The following DYNC1I2 variants were observed in gnomAD, a reference collection of about 807,000 sequenced individuals.
The protein encoded by DYNC1I2 is dynein cytoplasmic 1 intermediate chain 2.
DYNC1I2 carries 53 observed loss-of-function variants against 88.6 expected under a neutral mutation model. The observed-to-expected ratio is 0.60, with a 90% CI of 0.48 to 0.75. The LOEUF (loss-of-function observed/expected upper bound fraction) is 0.75, where lower values mean the gene tolerates loss of function less well. DYNC1I2 is among the 30% of genes least tolerant of loss of function. DYNC1I2 has a pLI of 0.00. For synonymous variants in DYNC1I2, 198 were observed against 254.6 expected (o/e 0.78, Z 2.12); for missense variants, 458 against 766.6 (o/e 0.60, Z 4.75).
intron 15 of DYNC1I2, among the ~76,000 whole-genome samples, chr2:171,739,682 C>G (rs890887351): frequency 7.1e-6 from 1 of 141,122 alleles, no homozygotes; most frequent in South Asian, 2.3e-4. Flanking sequence ...CATCCATTTG[C>G]GATTGACATA....
chr2:171,730,629 T>C (rs1181294207), intron 15 of DYNC1I2, among the ~76,000 whole-genome samples: 1 of 152,244 alleles, frequency 6.6e-6, no homozygotes, highest in African/African-American at 2.4e-5. Context: ...TGTCTAGTTT[T>C]TCTGCGGTAT....
At chr2:171,742,639 T>G (rs552785342) in intron 15 of DYNC1I2, among the ~76,000 whole-genome samples, 1 of 152,318 alleles carries the variant, frequency 6.6e-6, no homozygotes. Flanking sequence ...TTGTGTATTT[T>G]TAGGAGGGAG....
intron 1 of DYNC1I2, among the ~76,000 whole-genome samples, chr2:171,689,522 T>C (rs886070072): frequency 2.0e-5 from 3 of 152,214 alleles, no homozygotes; most frequent in African/African-American, 7.2e-5. Flanking sequence ...AAGAGCCAGT[T>C]TTGACCTTTA....
chr2:171,732,987 C>T (rs1688728349), intron 15 of DYNC1I2, among the ~76,000 whole-genome samples: 1 of 152,150 alleles, frequency 6.6e-6, no homozygotes, highest in Admixed American at 6.5e-5. Context: ...GCCTCTCCCT[C>T]CTCCCACGCT....
intron 15 of DYNC1I2, among the ~76,000 whole-genome samples, chr2:171,738,780 A>C (rs987858117): frequency 1.3e-5 from 2 of 152,354 alleles, no homozygotes; most frequent in East Asian, 3.9e-4. Context: ...ATACCGATGA[A>C]GTGCATCTGG....
chr2:171,705,982 T>C (rs1559372602), intron 3 of DYNC1I2, among the ~76,000 whole-genome samples: 1 of 152,014 alleles, frequency 6.6e-6, no homozygotes. Context: ...ATAAGGATGA[T>C]CAGTTTTATA....
intron 15 of DYNC1I2, among the ~76,000 whole-genome samples, chr2:171,735,153 T>G (rs1258534795): frequency 6.6e-6 from 1 of 152,200 alleles, no homozygotes; most frequent in Non-Finnish European, 1.5e-5. Flanking sequence ...TTTCTTCCTT[T>G]TCTCTCTTTC....
chr2:171,747,639 T>A (rs1046172112), intron 17 of DYNC1I2, 137 bp from the exon 18 acceptor site: 1 of 589,016 alleles, frequency 1.7e-6, no homozygotes, highest in Non-Finnish European at 3.0e-6. Flanking sequence ...ATTGTTATAG[T>A]CCCCGTAATT....
chr2:171,710,140 C>T (rs1031987942), intron 5 of DYNC1I2, among the ~76,000 whole-genome samples: 10 of 146,452 alleles, frequency 6.8e-5, no homozygotes, highest in Non-Finnish European at 1.2e-4. Context: ...CACACACACA[C>T]ACACACACAC....
chr2:171,709,175 CTCA>C (rs1213686269), intron 5 of DYNC1I2, among the ~76,000 whole-genome samples: 2 of 152,052 alleles, frequency 1.3e-5, no homozygotes, highest in Non-Finnish European at 2.9e-5. Flanking sequence ...TACATTATGA[CTCA>C]TCGTTCCTGA....
chr2:171,723,509 G>T (rs1487404905), intron 7 of DYNC1I2, among the ~76,000 whole-genome samples: 1 of 152,168 alleles, frequency 6.6e-6, no homozygotes, highest in East Asian at 1.9e-4. Flanking sequence ...ACACCTGCAG[G>T]TGACTTTATG....
At chr2:171,710,896 T>G (rs1474334556) in intron 5 of DYNC1I2, among the ~76,000 whole-genome samples, 1 of 151,438 alleles carries the variant, frequency 6.6e-6, no homozygotes, top group African/African-American at 2.4e-5. Flanking sequence ...GCTTTTAAGT[T>G]CTAGGGTACA....
chr2:171,745,692 ATC>A, intron 16 of DYNC1I2, 108 bp from the exon 17 acceptor site: 1 of 1,207,004 alleles, frequency 8.3e-7, no homozygotes, highest in Non-Finnish European at 1.2e-6. Context: ...ACCTGTTTTC[ATC>A]TTTGTTTTTA....
At chr2:171,715,779 G>A (rs762565966) in intron 7 of DYNC1I2, among the ~76,000 whole-genome samples, 1 of 152,050 alleles carries the variant, frequency 6.6e-6, no homozygotes, top group African/African-American at 2.4e-5. Context: ...TTCTGTCATT[G>A]AGCATAATTC....
At chr2:171,715,495 TAG>T (rs1399625427) in intron 7 of DYNC1I2, 52 bp downstream of exon 7, 2 of 1,133,146 alleles carry the variant, frequency 1.8e-6, no homozygotes, top group Non-Finnish European at 2.5e-6. Flanking sequence ...GTTAAATACA[TAG>T]ATTCTTTTTT....
chr2:171,713,997 A>C (rs1438410809), intron 6 of DYNC1I2, among the ~76,000 whole-genome samples: 1 of 152,174 alleles, frequency 6.6e-6, no homozygotes. Flanking sequence ...TAGACTCTGT[A>C]TGCATTCAAG....
In DYNC1I2 at chr2:171,717,618, T is replaced by C. The variant is rs542027392; in HGVS notation, c.511+2175T>C. On this transcript the variant is annotated intron_variant, in intron 7 of 17. Transcript: ENST00000397119. ...AAGTATGGAGCTTTCAGTATGAGAA[T>C]ACTAATACTGCAGGATTCTGTAATT... 1.5e-3 allele frequency among the ~76,000 whole-genome samples: 231 copies of C among 152,346 alleles called. 1 individual carries two copies. The Middle Eastern group carries it at 0.027, about 18-fold the overall frequency.
At chr2:171,716,463 A>G (rs910172588) in intron 7 of DYNC1I2, among the ~76,000 whole-genome samples, 24 of 152,202 alleles carry the variant, frequency 1.6e-4, no homozygotes, top group African/African-American at 5.8e-4. Flanking sequence ...TAATTAAATT[A>G]CCATGTTTCT....
In DYNC1I2 at chr2:171,712,755, A is replaced by G. The variant is rs765041081; in HGVS notation, c.336-12A>G. On this transcript the variant is annotated splice_polypyrimidine_tract_variant and intron_variant, in intron 5 of 17. Coordinates refer to ENST00000397119, the MANE Select transcript of DYNC1I2 (RefSeq NM_001378.3). ...TTTGCTAATGCTTCATGGTTGTCCT[A>G]CAACCATTTAGGACGCTGCATTGGG... 3 of 1,610,412 alleles carry G rather than the reference A, an allele frequency of 1.9e-6. No homozygotes were observed. Among genetic ancestry groups the G allele is most frequent in the East Asian group, 2.2e-5 (1 of 44,776 alleles).
Sources: allele counts gnomAD v4.1 joint callset (sites outside exome capture counted in the v4.1 genomes callset), GRCh38; gene constraint gnomAD v4.1.1; transcripts MANE v1.5; gene names NCBI Gene and HGNC (gene_info 2026-07-23, HGNC 2026-07-21).